Variants in UGT1A8 observed in about 807,000 individuals in gnomAD.
UGT1A8 encodes UDP-glucuronosyltransferase 1A8.
A neutral mutation model predicts 45.3 loss-of-function variants in UGT1A8; 39 were observed. The observed-to-expected ratio is 0.86, with a 90% CI of 0.67 to 1.12. UGT1A8 has a LOEUF of 1.12. UGT1A8 is among the 50% of genes most tolerant of loss of function. The pLI, the probability that UGT1A8 is intolerant of heterozygous loss-of-function variation, is 0.00. For missense variants in UGT1A8, 719 were observed against 664.9 expected (o/e 1.08, Z -0.90); for synonymous variants, 275 against 249.2 (o/e 1.10, Z -0.97).
chr2:233,682,167 A>C (rs765761733), intron 1 of UGT1A8: 9 of 1,614,002 alleles, frequency 5.6e-6, no homozygotes, highest in Admixed American at 5.0e-5. Flanking sequence ...GTGAAGACTT[A>C]CTCAACCTCA....
chr2:233,636,830 A>G (rs45473304), intron 1 of UGT1A8: 2 of 1,614,214 alleles, frequency 1.2e-6, no homozygotes, highest in East Asian at 2.2e-5. Flanking sequence ...GCACAGGCAC[A>G]AAGTATATTT....
chr2:233,642,614 G>A (rs910966982), intron 1 of UGT1A8, among the ~76,000 whole-genome samples: 3 of 152,164 alleles, frequency 2.0e-5, no homozygotes, highest in African/African-American at 7.2e-5. Context: ...AGAGTTAGGT[G>A]TTTATTGTAG....
At chr2:233,653,592 ATTTTG>A (rs1425763591) in intron 1 of UGT1A8, among the ~76,000 whole-genome samples, 1 of 151,988 alleles carries the variant, frequency 6.6e-6, no homozygotes, top group African/African-American at 2.4e-5. Context: ...GTCTTGAGAA[ATTTTG>A]TTTTGTTTTG....
Position 233,715,888 on chromosome 2 carries a change from C to T in UGT1A8, c.856-51146C>T, listed in dbSNP as rs1156732066. 2.6e-5 allele frequency among the ~76,000 whole-genome samples: 4 copies of T among 152,168 alleles called. No homozygotes were observed. In the East Asian group the frequency reaches 7.7e-4, roughly 29 times the overall value. On this transcript the variant is annotated intron_variant, in intron 1 of 4. Coordinates refer to ENST00000373450, the MANE Select transcript of UGT1A8 (RefSeq NM_019076.5). Reference sequence around the variant, plus strand: ...TAGCTTGTGCCTGTGGCCCCAGCTACTTGGGAGGCTCAGGTGGGAGGATCA... The same window carrying T: ...TAGCTTGTGCCTGTGGCCCCAGCTATTTGGGAGGCTCAGGTGGGAGGATCA...
At chr2:233,724,343 C>A (rs2077229660) in intron 1 of UGT1A8, among the ~76,000 whole-genome samples, 1 of 142,888 alleles carries the variant, frequency 7.0e-6, no homozygotes, top group Admixed American at 6.9e-5. Context: ...GGGGCTGACC[C>A]CCCCCACCTC....
At chr2:233,685,342 T>C (rs1160344395) in intron 1 of UGT1A8, among the ~76,000 whole-genome samples, 1 of 152,088 alleles carries the variant, frequency 6.6e-6, no homozygotes, top group African/African-American at 2.4e-5. Flanking sequence ...CTTAAAGTGG[T>C]TTTAATGAGA....
At chr2:233,624,682 A>G (rs985337535) in intron 1 of UGT1A8, among the ~76,000 whole-genome samples, 8 of 152,206 alleles carry the variant, frequency 5.3e-5, no homozygotes, top group Admixed American at 3.3e-4. Context: ...CTACATTACC[A>G]CATGGATTTT....
chr2:233,650,990 C>G (rs186175565), intron 1 of UGT1A8, among the ~76,000 whole-genome samples: 3 of 152,138 alleles, frequency 2.0e-5, no homozygotes, highest in African/African-American at 7.2e-5. Context: ...TCTCACACAT[C>G]GGCAGCTGTT....
chr2:233,621,883 C>T (rs2073013725), intron 1 of UGT1A8, among the ~76,000 whole-genome samples: 1 of 152,066 alleles, frequency 6.6e-6, no homozygotes, highest in African/African-American at 2.4e-5. Context: ...CTTCCTCAGC[C>T]CCCCACCCCA....
At chr2:233,622,876 T>G (rs932247305) in intron 1 of UGT1A8, among the ~76,000 whole-genome samples, 1 of 152,230 alleles carries the variant, frequency 6.6e-6, no homozygotes, top group African/African-American at 2.4e-5. Context: ...CATTTAAATC[T>G]TTAATCCATC....
At chr2:233,754,986 T>A (rs1394613146) in intron 1 of UGT1A8, 2 of 1,295,836 alleles carry the variant, frequency 1.5e-6, no homozygotes, top group Non-Finnish European at 2.1e-6. Flanking sequence ...CTCGGCGGGG[T>A]CACGGAAGCT....
intron 1 of UGT1A8, among the ~76,000 whole-genome samples, chr2:233,692,680 G>A (rs577931872): frequency 6.6e-6 from 1 of 152,264 alleles, no homozygotes; most frequent in South Asian, 2.1e-4. Context: ...AATTGGCAGG[G>A]GGTCCTCAGG....
intron 1 of UGT1A8, among the ~76,000 whole-genome samples, chr2:233,698,445 A>G (rs2125575630): frequency 6.6e-6 from 1 of 152,352 alleles, no homozygotes; most frequent in South Asian, 2.1e-4. Flanking sequence ...GATATATCAC[A>G]GATCATAGAA....
At chr2:233,650,512 A>T (rs1408482314) in intron 1 of UGT1A8, among the ~76,000 whole-genome samples, 1 of 152,232 alleles carries the variant, frequency 6.6e-6, no homozygotes, top group East Asian at 1.9e-4. Context: ...GCAAATTGGT[A>T]TGGATGGTCT....
At chr2:233,676,891 T>G (rs2074374210) in intron 1 of UGT1A8, among the ~76,000 whole-genome samples, 1 of 152,246 alleles carries the variant, frequency 6.6e-6, no homozygotes, top group African/African-American at 2.4e-5. Context: ...TTCATACATC[T>G]GTGCACGTAT....
At chr2:233,703,357 C>A (rs1254530363) in intron 1 of UGT1A8, among the ~76,000 whole-genome samples, 1 of 151,876 alleles carries the variant, frequency 6.6e-6, no homozygotes, top group Non-Finnish European at 1.5e-5. Flanking sequence ...GTTAATCTAA[C>A]TTTAGGTTTA....
intron 1 of UGT1A8, among the ~76,000 whole-genome samples, chr2:233,639,202 T>C (rs2073383231): frequency 6.6e-6 from 1 of 152,232 alleles, no homozygotes; most frequent in Admixed American, 6.5e-5. Context: ...TGTAAATATC[T>C]TTTATGAGAT....
Position 233,660,257 on chromosome 2 carries a change from T to C in UGT1A8, c.855+41695T>C, listed in dbSNP as rs372965408. The stretch of plus-strand genomic sequence containing the variant: ...TTCGCCCCGCTGACATTCTCTTCCA[T>C]AGTGTTGACAATCCTTTCCATAGAA... On this transcript the variant is annotated intron_variant, in intron 1 of 4. Coordinates refer to ENST00000373450, the MANE Select transcript of UGT1A8 (RefSeq NM_019076.5). Among the ~76,000 whole-genome samples, 3 of 152,158 alleles carry C rather than the reference T, an allele frequency of 2.0e-5. No individual in the cohort carries two copies. The East Asian group carries it at 5.8e-4, about 29-fold the overall frequency.
chr2:233,731,735 C>T (rs574748193), intron 1 of UGT1A8, among the ~76,000 whole-genome samples: 1 of 152,288 alleles, frequency 6.6e-6, no homozygotes, highest in East Asian at 1.9e-4. Flanking sequence ...AATAGTGCCA[C>T]AATAAACATA....
Sources: gnomAD v4.1 joint callset for allele counts (sites outside exome capture counted in the v4.1 genomes callset) on GRCh38, gnomAD v4.1.1 for gene constraint, MANE v1.5 for transcripts, NCBI Gene and HGNC (gene_info 2026-07-23, HGNC 2026-07-21) for gene names.